The following IL17RD variants were observed in gnomAD, a reference collection of about 807,000 sequenced individuals.
IL17RD encodes interleukin-17 receptor D.
A neutral mutation model predicts 80.5 loss-of-function variants in IL17RD; 52 were observed. The ratio of observed to expected loss-of-function variants is 0.65; its 90% CI spans 0.52 to 0.81. IL17RD has a LOEUF of 0.81. IL17RD is among the 40% of genes least tolerant of loss of function. The pLI is 0.00. For missense variants in IL17RD, 1,024 were observed against 955.1 expected, an observed-to-expected ratio of 1.07 and a Z score of -0.95; for synonymous variants, 416 against 391.8, an observed-to-expected ratio of 1.06 and a Z score of -0.73.
intron 1 of IL17RD, among the ~76,000 whole-genome samples, chr3:57,143,232 C>T (rs150111089): frequency 6.8e-4 from 104 of 152,314 alleles, no homozygotes; most frequent in African/African-American, 2.4e-3. Flanking sequence ...CTGCTTCCTT[C>T]TGCCACCTTA....
At chr3:57,105,552 A>AAAAAATATAT in intron 7 of IL17RD, among the ~76,000 whole-genome samples, 7 of 63,590 alleles carry the variant, frequency 1.1e-4, no homozygotes, top group African/African-American at 6.5e-4. Context: ...AAAAAAAAAA[A>AAAAAATATAT]ATATATATAT....
At chr3:57,128,563 A>C (rs148124628) in intron 1 of IL17RD, among the ~76,000 whole-genome samples, 15 of 152,050 alleles carry the variant, frequency 9.9e-5, no homozygotes, top group African/African-American at 3.6e-4. Flanking sequence ...AAATCCATTC[A>C]CTAAAGATAA....
intron 1 of IL17RD, among the ~76,000 whole-genome samples, chr3:57,148,057 C>T (rs1307214013): frequency 7.5e-6 from 1 of 132,460 alleles, no homozygotes; most frequent in Non-Finnish European, 1.5e-5. Flanking sequence ...TGGCTCACAC[C>T]TGTAATCCCA....
At position 57,098,520 on chromosome 3, in the gene IL17RD, C is replaced by T; in HGVS notation, c.1183G>A (p.Glu395Lys). Reference sequence around the variant, plus strand: ...CCTTCTCTACAGAGGCTGAAGTCTTCCCACAGGTCCAGAGCCACCTGGAAA... The same window carrying T: ...CCTTCTCTACAGAGGCTGAAGTCTTTCCACAGGTCCAGAGCCACCTGGAAA... ...CGCEVALDLW[E>K]DFSLCREGQR... The change falls in exon 12 of 13, where the codon GAA becomes AAA. Residue 395 changes from glutamate to lysine, a missense_variant. Physicochemically the swap from Glu to Lys is moderately conservative, Grantham distance 56. Transcript: ENST00000296318. 13 of 1,604,456 alleles carry T rather than the reference C, an allele frequency of 8.1e-6. No individual in the cohort carries two copies. Among genetic ancestry groups the T allele is most frequent in the Non-Finnish European group, 1.1e-5 (13 of 1,174,288 alleles).
intron 1 of IL17RD, among the ~76,000 whole-genome samples, chr3:57,156,032 T>C (rs1303480154): frequency 6.6e-6 from 1 of 152,174 alleles, no homozygotes; most frequent in African/African-American, 2.4e-5. Context: ...TTAAGAAACA[T>C]GTATGGAGAA....
chr3:57,119,043 T>A (rs1707275334), intron 2 of IL17RD, among the ~76,000 whole-genome samples: 1 of 151,172 alleles, frequency 6.6e-6, no homozygotes, highest in Non-Finnish European at 1.5e-5. Context: ...CAGTCTCTAC[T>A]AAAAATACAA....
At chr3:57,159,872 G>T (rs1381591942) in intron 1 of IL17RD, among the ~76,000 whole-genome samples, 2 of 152,176 alleles carry the variant, frequency 1.3e-5, no homozygotes, top group African/African-American at 4.8e-5. Flanking sequence ...TCAGAAGCAG[G>T]CTGAAGAGGC....
In IL17RD at chr3:57,130,821, T is replaced by A. The variant is rs117904161; in HGVS notation, c.127-10508A>T. Among the ~76,000 whole-genome samples the A allele has an allele frequency of 8.2e-3, 1,245 of 152,232 alleles. 74 individuals carry two copies. The East Asian group carries it at 0.16, about 20-fold the overall frequency. On this transcript the variant is annotated intron_variant, in intron 1 of 12. Coordinates refer to ENST00000296318, the MANE Select transcript of IL17RD (RefSeq NM_017563.5). Reference sequence around the variant, plus strand: ...TGAGTGTGTGTGTTGTCAGTATGTGTGCCCAGCCACAAAGCCAACAACAAC... The same window carrying A: ...TGAGTGTGTGTGTTGTCAGTATGTGAGCCCAGCCACAAAGCCAACAACAAC...
rs761054458 is a variant in IL17RD, at chr3:57,098,536, C to T, written c.1167G>A (p.Val389=). The part of the protein sequence containing the change: ...YFLQDFCGCE[V]ALDLWEDFSL... The stretch of plus-strand genomic sequence containing the variant: ...TGAAGTCTTCCCACAGGTCCAGAGC[C>T]ACCTGGAAAGAGAACAAGGCACCTC... Residue 389 remains valine, a splice_region_variant and synonymous_variant, in exon 12 of 13, where the codon GTG becomes GTA. Coordinates refer to ENST00000296318, the MANE Select transcript of IL17RD (RefSeq NM_017563.5). 1 of 1,585,198 alleles carries T rather than the reference C, an allele frequency of 6.3e-7. No homozygotes were observed. Among genetic ancestry groups the T allele is most frequent in the East Asian group, 2.2e-5 (1 of 44,590 alleles).
chr3:57,109,585 A>C lies in IL17RD; in HGVS notation c.502T>G (p.Ser168Ala). The C allele has an allele frequency of 6.2e-7, 1 of 1,613,710 alleles. No individual in the cohort carries two copies. The highest frequency in any genetic ancestry group is 8.5e-7 in the Non-Finnish European group (1 of 1,179,640). Reference sequence around the variant, plus strand: ...TGGTAATTGCTTTCGTTTTTAATGGAAGGAAAAGGGACAACCTTTACGAAA... The same window carrying C: ...TGGTAATTGCTTTCGTTTTTAATGGCAGGAAAAGGGACAACCTTTACGAAA... ...DYFVKVVPFPSIKNESNYHPF... is the reference protein window; with the variant it reads ...DYFVKVVPFPAIKNESNYHPF... The change falls in exon 5 of 13, where the codon TCC becomes GCC. Residue 168 changes from serine to alanine, a missense_variant. Ser to Ala is a moderately conservative substitution (Grantham distance 99, BLOSUM62 1). Transcript: ENST00000296318.
At chr3:57,170,223 C>A (rs990691805), upstream of IL17RD, 4 of 152,224 alleles carry the variant, frequency 2.6e-5, no homozygotes, top group Non-Finnish European at 5.9e-5. Flanking sequence ...AGTTCTGGAG[C>A]GGTGCGTACC....
At chr3:57,111,948 T>A (rs1300463945) in intron 3 of IL17RD, among the ~76,000 whole-genome samples, 2 of 145,994 alleles carry the variant, frequency 1.4e-5, no homozygotes, top group Non-Finnish European at 3.0e-5. Flanking sequence ...GGCGACAGAG[T>A]GAGACTCTGT....
chr3:57,142,501 T>C, intron 1 of IL17RD: 1 of 1,288,436 alleles, frequency 7.8e-7, no homozygotes, highest in Non-Finnish European at 1.0e-6. Context: ...CAGAAGCGCG[T>C]GGCATCCCTC....
chr3:57,115,353 G>A (rs574527628), intron 2 of IL17RD, among the ~76,000 whole-genome samples: 1 of 152,126 alleles, frequency 6.6e-6, no homozygotes, highest in Non-Finnish European at 1.5e-5. Flanking sequence ...TCAGTGACAA[G>A]TGATAAAGAT....
rs765589796 is a variant in IL17RD at position 57,110,224 on chromosome 3, G to A, written c.398C>T (p.Pro133Leu). 1.4e-4 allele frequency: 218 copies of A among 1,605,372 alleles called. No individual in the cohort carries two copies. Among genetic ancestry groups the A allele is most frequent in the Non-Finnish European group, 1.8e-4 (206 of 1,175,732 alleles). Residue 133 changes from proline (P) to leucine (L), a missense_variant, in exon 4 of 13, where the codon CCG becomes CTG. Pro to Leu is a moderately conservative substitution (Grantham distance 98). Coordinates refer to ENST00000296318, the MANE Select transcript of IL17RD (RefSeq NM_017563.5). ...TTTGAAGCTACTGTTGAGCTGCTTC[G>A]GATCCTTTAGAATCAGTTGTTGGCA... ...RQCQQLILKD[P>L]KQLNSSFKRT...
At chr3:57,105,828 T>C (rs1014798496) in intron 7 of IL17RD, 29 bp downstream of exon 7, 2 of 1,602,582 alleles carry the variant, frequency 1.2e-6, no homozygotes, top group Non-Finnish European at 1.7e-6. Context: ...AAACACGCAG[T>C]GTTCCTTTAT....
intron 1 of IL17RD, among the ~76,000 whole-genome samples, chr3:57,151,816 G>A (rs866823631): frequency 6.6e-6 from 1 of 152,204 alleles, no homozygotes; most frequent in South Asian, 2.1e-4. Flanking sequence ...AGTAAGCTGT[G>A]ATCACACCAC....
chr3:57,114,742 G>A lies in IL17RD; in HGVS notation c.260C>T (p.Ala87Val), dbSNP rs753111564. The change falls in exon 3 of 13, where the codon GCT becomes GTT. Residue 87 changes from alanine (A) to valine (V), a missense_variant. Ala to Val is a moderately conservative substitution (Grantham distance 64). Transcript: ENST00000296318. ...GGTGACTGCCACTTGGTCATGGCAA[G>A]CATACTGGCTGATGGTGATATTCTG... ...DAQNITISQY[A>V]CHDQVAVTIL... 1.1e-5 allele frequency: 18 copies of A among 1,612,356 alleles called. No homozygotes were observed. Among genetic ancestry groups the A allele is most frequent in the Non-Finnish European group, 1.4e-5 (17 of 1,179,446 alleles).
intron 1 of IL17RD, among the ~76,000 whole-genome samples, chr3:57,122,439 G>A (rs1159771562): frequency 6.6e-6 from 1 of 152,248 alleles, no homozygotes; most frequent in Non-Finnish European, 1.5e-5. Flanking sequence ...CGCGCAGCAG[G>A]TGGGCAGTGG....
Sources: allele counts gnomAD v4.1 joint callset (sites outside exome capture counted in the v4.1 genomes callset), GRCh38; gene constraint gnomAD v4.1.1; transcripts MANE v1.5; gene names NCBI Gene and HGNC (gene_info 2026-07-23, HGNC 2026-07-21).